The following PDSS2 variants were observed in gnomAD, a reference collection of about 807,000 sequenced individuals.
PDSS2 encodes all trans-polyprenyl-diphosphate synthase PDSS2.
Under a neutral mutation model 44.5 loss-of-function variants are expected in PDSS2, and 31 were observed. The ratio of observed to expected loss-of-function variants is 0.70; its 90% CI spans 0.52 to 0.94. The LOEUF (loss-of-function observed/expected upper bound fraction) is 0.94, where lower values mean the gene tolerates loss of function less well. Ranked by LOEUF, PDSS2 falls within the 40% of genes least tolerant of loss-of-function variation. The pLI is 0.00. For synonymous variants in PDSS2, 157 were observed against 180.3 expected (o/e 0.87, Z 1.03); for missense variants, 452 against 482.2 (o/e 0.94, Z 0.59).
At chr6:107,402,463 C>CATATATATAT (rs1562516079) in intron 1 of PDSS2, among the ~76,000 whole-genome samples, 2 of 21,140 alleles carry the variant, frequency 9.5e-5, no homozygotes, top group Non-Finnish European at 1.7e-4. Context: ...CATATATATA[C>CATATATATAT]GTATATATAT....
intron 1 of PDSS2, among the ~76,000 whole-genome samples, chr6:107,345,523 T>C (rs560114946): frequency 5.3e-5 from 8 of 151,526 alleles, no homozygotes; most frequent in African/African-American, 1.7e-4. Context: ...TCATAACATA[T>C]TATGAAGAGG....
intron 7 of PDSS2, among the ~76,000 whole-genome samples, chr6:107,161,256 G>A (rs1354147606): frequency 2.6e-5 from 4 of 151,700 alleles, no homozygotes; most frequent in African/African-American, 7.3e-5. Context: ...TGAGGCGGGC[G>A]GATCACGAGG....
At position 107,457,063 on chromosome 6, in the gene PDSS2, A is replaced by G. The variant is rs1160310937; in HGVS notation, c.296+1927T>C. On this transcript the variant is annotated intron_variant, in intron 1 of 7. Transcript: ENST00000369037. ...TGGAAAACTAACATTCCAGCTAATC[A>G]TAAGGTGACATTCCTGATAACTGGG... 2.0e-5 allele frequency among the ~76,000 whole-genome samples: 3 copies of G among 152,220 alleles called. No individual in the cohort carries two copies. In the South Asian group the frequency reaches 6.2e-4, roughly 32 times the overall value.
chr6:107,220,669 A>T (rs1410267343), intron 4 of PDSS2, among the ~76,000 whole-genome samples: 1 of 152,132 alleles, frequency 6.6e-6, no homozygotes, highest in Non-Finnish European at 1.5e-5. Context: ...ATTTTAAATT[A>T]TTCAAGTAAT....
chr6:107,293,134 C>G (rs937613512), intron 2 of PDSS2, among the ~76,000 whole-genome samples: 1 of 152,128 alleles, frequency 6.6e-6, no homozygotes, highest in African/African-American at 2.4e-5. Flanking sequence ...CCACTGAGCT[C>G]TGCCATTTTT....
At chr6:107,298,617 G>A (rs909626719) in intron 2 of PDSS2, among the ~76,000 whole-genome samples, 3 of 152,116 alleles carry the variant, frequency 2.0e-5, no homozygotes, top group Non-Finnish European at 4.4e-5. Context: ...ACATACATGT[G>A]TGCATAGATA....
At chr6:107,268,646 C>T (rs1444353291) in intron 3 of PDSS2, among the ~76,000 whole-genome samples, 1 of 152,054 alleles carries the variant, frequency 6.6e-6, no homozygotes, top group East Asian at 1.9e-4. Flanking sequence ...TATTGTGTCA[C>T]TGGCATTTTT....
rs1772142414 is a variant in PDSS2 at position 107,185,710 on chromosome 6, G to A, written c.1041+8112C>T. 2.0e-5 allele frequency among the ~76,000 whole-genome samples: 3 copies of A among 152,170 alleles called. No individual in the cohort carries two copies. In the South Asian group the frequency reaches 6.2e-4, roughly 32 times the overall value. ...TATTAGTTACCATGGCAAACCAAAC[G>A]TGAATGTGGTCCGAGAGCCTTCTCC... On this transcript the variant is annotated intron_variant, in intron 7 of 7. Transcript: ENST00000369037.
At chr6:107,359,656 A>C (rs1195544913) in intron 1 of PDSS2, among the ~76,000 whole-genome samples, 1 of 151,376 alleles carries the variant, frequency 6.6e-6, no homozygotes, top group African/African-American at 2.4e-5. Context: ...AGAGAGAGAG[A>C]GATAACTTCA....
chr6:107,364,519 G>A (rs1356030128), intron 1 of PDSS2, among the ~76,000 whole-genome samples: 1 of 152,258 alleles, frequency 6.6e-6, no homozygotes, highest in African/African-American at 2.4e-5. Flanking sequence ...GGGCCAGCAG[G>A]GCTGGCTGGC....
chr6:107,457,589 G>A (rs762826671), intron 1 of PDSS2, among the ~76,000 whole-genome samples: 4 of 152,104 alleles, frequency 2.6e-5, no homozygotes, highest in Admixed American at 6.6e-5. Context: ...AACCAAAAAT[G>A]TCTCCATACA....
intron 2 of PDSS2, among the ~76,000 whole-genome samples, chr6:107,315,905 C>T (rs1777183806): frequency 6.6e-6 from 1 of 152,128 alleles, no homozygotes; most frequent in Non-Finnish European, 1.5e-5. Context: ...GATCATTTAC[C>T]TCAGATTATC....
At chr6:107,229,568 C>T (rs1454519047) in intron 4 of PDSS2, among the ~76,000 whole-genome samples, 1 of 152,156 alleles carries the variant, frequency 6.6e-6, no homozygotes, top group Non-Finnish European at 1.5e-5. Context: ...CTTCTTTGAA[C>T]TCAAACTCAC....
intron 7 of PDSS2, among the ~76,000 whole-genome samples, chr6:107,164,061 TA>T (rs1771246892): frequency 6.6e-6 from 1 of 152,180 alleles, no homozygotes; most frequent in African/African-American, 2.4e-5. Flanking sequence ...AAAGGGTTCT[TA>T]GGTCATTCCA....
At chr6:107,372,983 C>CTTTTT (rs11330558) in intron 1 of PDSS2, among the ~76,000 whole-genome samples, 1 of 136,030 alleles carries the variant, frequency 7.4e-6, no homozygotes, top group African/African-American at 2.8e-5. Context: ...GTCTAATAAT[C>CTTTTT]TTTTTTTTTT....
At chr6:107,244,154 A>G (rs1245945513) in intron 4 of PDSS2, among the ~76,000 whole-genome samples, 1 of 152,154 alleles carries the variant, frequency 6.6e-6, no homozygotes, top group Non-Finnish European at 1.5e-5. Context: ...ACAAAACAAA[A>G]AAAGAGTCTG....
intron 4 of PDSS2, among the ~76,000 whole-genome samples, chr6:107,219,712 T>C (rs146874756): frequency 1.4e-3 from 213 of 152,342 alleles, no homozygotes; most frequent in African/African-American, 4.5e-3. Flanking sequence ...AGCAGTTAAT[T>C]CTCTCTGAAC....
intron 6 of PDSS2, among the ~76,000 whole-genome samples, chr6:107,205,135 A>G (rs1772927969): frequency 6.6e-6 from 1 of 152,224 alleles, no homozygotes; most frequent in African/African-American, 2.4e-5. Flanking sequence ...TTTCACGCAC[A>G]CCAGTCTTGC....
intron 7 of PDSS2, among the ~76,000 whole-genome samples, chr6:107,159,565 T>C (rs1771048010): frequency 1.3e-5 from 2 of 151,754 alleles, no homozygotes; most frequent in Admixed American, 1.3e-4. Context: ...TACAGGCACG[T>C]GCCACCATGC....
Sources: allele counts gnomAD v4.1 joint callset (sites outside exome capture counted in the v4.1 genomes callset), GRCh38; gene constraint gnomAD v4.1.1; transcripts MANE v1.5; gene names NCBI Gene and HGNC (gene_info 2026-07-23, HGNC 2026-07-21).